Variants in SEMA3A observed in about 807,000 individuals in gnomAD.
SEMA3A encodes semaphorin-3A.
In SEMA3A, 29 loss-of-function variants were observed where a neutral mutation model predicts 97.9. The ratio of observed to expected loss-of-function variants is 0.30; its 90% CI spans 0.22 to 0.40. SEMA3A has a LOEUF of 0.40. Among genes scored for constraint, SEMA3A ranks in the 10% least tolerant of loss-of-function variants. SEMA3A has a pLI of 1.00. For synonymous variants in SEMA3A, 321 were observed against 323.7 expected (o/e 0.99, Z 0.09); for missense variants, 763 against 951.3 (o/e 0.80, Z 2.60).
intron 3 of SEMA3A, among the ~76,000 whole-genome samples, chr7:84,117,603 C>T (rs1312520610): frequency 6.6e-6 from 1 of 152,164 alleles, no homozygotes; most frequent in East Asian, 1.9e-4. Context: ...ATGAACTGTG[C>T]ATACAAGGGA....
chr7:84,128,928 T>TA (rs1795877258), intron 3 of SEMA3A, among the ~76,000 whole-genome samples, 195 bp downstream of exon 3: 1 of 152,164 alleles, frequency 6.6e-6, no homozygotes, highest in South Asian at 2.1e-4. Context: ...ATGGTTATAC[T>TA]ATGTATATGA....
At chr7:83,996,730 A>C (rs1218574517) in intron 12 of SEMA3A, among the ~76,000 whole-genome samples, 1 of 152,220 alleles carries the variant, frequency 6.6e-6, no homozygotes. Context: ...CATAATAAAT[A>C]CAATTGAAGT....
At chr7:84,169,981 T>C (rs557880900) in intron 1 of SEMA3A, among the ~76,000 whole-genome samples, 2 of 151,874 alleles carry the variant, frequency 1.3e-5, no homozygotes, top group South Asian at 4.1e-4. Context: ...CATGCCCTCA[T>C]TAACTGAGAA....
chr7:84,416,741 T>TA (rs1170632293), intron 1 of SEMA3A, among the ~76,000 whole-genome samples: 7 of 152,146 alleles, frequency 4.6e-5, no homozygotes, highest in Admixed American at 3.3e-4. Flanking sequence ...TTGGAAAAGT[T>TA]AAAGTTACAG....
At chr7:84,285,406 A>C (rs1252536744) in intron 3 of SEMA3A, among the ~76,000 whole-genome samples, 1 of 152,198 alleles carries the variant, frequency 6.6e-6, no homozygotes, top group Non-Finnish European at 1.5e-5. Flanking sequence ...GCAAGCATCC[A>C]TGCGAAATTT....
chr7:84,137,988 T>G (rs1034125117), intron 1 of SEMA3A, among the ~76,000 whole-genome samples: 1 of 152,176 alleles, frequency 6.6e-6, no homozygotes, highest in Non-Finnish European at 1.5e-5. Context: ...CCAAGTTTTA[T>G]AGAAGATGGG....
At chr7:84,397,199 T>C (rs954313069) in intron 1 of SEMA3A, among the ~76,000 whole-genome samples, 3 of 151,908 alleles carry the variant, frequency 2.0e-5, no homozygotes, top group Admixed American at 6.6e-5. Flanking sequence ...TACTTTATCA[T>C]GTCTATGACT....
intron 1 of SEMA3A, among the ~76,000 whole-genome samples, chr7:84,165,434 A>G (rs189489597): frequency 6.6e-5 from 10 of 152,316 alleles, no homozygotes; most frequent in Admixed American, 2.6e-4. Flanking sequence ...GTTAAAAAGC[A>G]AAGATTTATT....
chr7:84,407,063 G>C (rs1415958480), intron 1 of SEMA3A, among the ~76,000 whole-genome samples: 3 of 152,098 alleles, frequency 2.0e-5, no homozygotes, highest in Non-Finnish European at 2.9e-5. Flanking sequence ...CAATCAGGCA[G>C]GAGAAGGAAA....
rs1466828795 is a variant in SEMA3A at position 84,386,694 on chromosome 7, T to C, written c.-245-14794A>G. Among the ~76,000 whole-genome samples the C allele has an allele frequency of 3.3e-5, 5 of 152,216 alleles. 1 individual carries two copies. The East Asian group carries it at 7.7e-4, about 24-fold the overall frequency. On this transcript the variant is annotated intron_variant, in intron 1 of 3. Transcript: ENST00000424555. ...ATCAAATAAAAAACAGGCAGTATAT[T>C]CCAATACTTAAGAGTGCAGGTTCTT...
chr7:84,139,524 G>A (rs566672528), intron 1 of SEMA3A, among the ~76,000 whole-genome samples: 2 of 152,138 alleles, frequency 1.3e-5, no homozygotes, highest in Admixed American at 6.5e-5. Flanking sequence ...ATGACAAAAT[G>A]GAAAACATAC....
At chr7:84,339,126 T>C (rs1802102105) in intron 2 of SEMA3A, among the ~76,000 whole-genome samples, 1 of 152,160 alleles carries the variant, frequency 6.6e-6, no homozygotes, top group Admixed American at 6.6e-5. Flanking sequence ...GTTCAAATGG[T>C]GTGCCCTTGG....
intron 3 of SEMA3A, among the ~76,000 whole-genome samples, chr7:84,121,546 C>A (rs868169646): frequency 1.3e-4 from 20 of 148,864 alleles, no homozygotes; most frequent in South Asian, 1.1e-3. Context: ...TGAACTCATC[C>A]TTTTTTTGGC....
At chr7:84,412,948 T>TCA (rs989059016) in intron 1 of SEMA3A, among the ~76,000 whole-genome samples, 16 of 151,422 alleles carry the variant, frequency 1.1e-4, no homozygotes, top group African/African-American at 3.6e-4. Context: ...ACACACACAC[T>TCA]CACACACACA....
intron 4 of SEMA3A, among the ~76,000 whole-genome samples, chr7:84,089,938 T>C (rs564708332): frequency 6.6e-6 from 1 of 152,104 alleles, no homozygotes; most frequent in South Asian, 2.1e-4. Flanking sequence ...AAGTAGGACA[T>C]TTATAAAATT....
At chr7:84,011,525 T>C (rs1790872068) in intron 7 of SEMA3A, among the ~76,000 whole-genome samples, 1 of 152,118 alleles carries the variant, frequency 6.6e-6, no homozygotes, top group African/African-American at 2.4e-5. Context: ...TTATTGTGAG[T>C]AGTCCCTTTA....
At chr7:84,260,911 T>C (rs1235974154) in intron 3 of SEMA3A, among the ~76,000 whole-genome samples, 1 of 152,160 alleles carries the variant, frequency 6.6e-6, no homozygotes, top group African/African-American at 2.4e-5. Flanking sequence ...GCCCAGACTG[T>C]CCATTCCAGG....
At position 83,960,567 on chromosome 7, in the gene SEMA3A, C is replaced by A. The variant is rs967107194; in HGVS notation, c.*804G>T. The A allele has an allele frequency of 6.6e-6, 1 of 152,390 alleles. No individual in the cohort carries two copies. Among genetic ancestry groups the A allele is most frequent in the Non-Finnish European group, 1.5e-5 (1 of 67,936 alleles). 9.4% of individuals were successfully genotyped at this position (152,390 alleles called of 1,614,324 possible). On this transcript the variant is annotated 3_prime_UTR_variant, in exon 17 of 17. Transcript: ENST00000265362. ...GTGTTTCTAGAACAATGTCATCTAT[C>A]CCTCTTATAGAATTGAAAATAAAAT...
At chr7:84,004,283 T>TC (rs1790576798) in intron 11 of SEMA3A, among the ~76,000 whole-genome samples, 1 of 151,832 alleles carries the variant, frequency 6.6e-6, no homozygotes, top group African/African-American at 2.4e-5. Context: ...TAAAATAATA[T>TC]ATCATAATAA....
Sources: allele counts gnomAD v4.1 joint callset (sites outside exome capture counted in the v4.1 genomes callset), GRCh38; gene constraint gnomAD v4.1.1; transcripts MANE v1.5; gene names NCBI Gene and HGNC (gene_info 2026-07-23, HGNC 2026-07-21).